Variants in TMEM132E observed in about 807,000 individuals in gnomAD.
TMEM132E encodes transmembrane protein 132E.
TMEM132E carries 49 observed loss-of-function variants against 78.5 expected under a neutral mutation model. The observed-to-expected ratio is 0.62, with a 90% CI of 0.50 to 0.79. The LOEUF (loss-of-function observed/expected upper bound fraction) is 0.79, where lower values mean the gene tolerates loss of function less well. Among genes scored for constraint, TMEM132E ranks in the 30% least tolerant of loss-of-function variants. The pLI is 0.00. For synonymous variants in TMEM132E, 715 were observed against 670.6 expected (o/e 1.07, Z -1.02); for missense variants, 1,403 against 1,470.9 (o/e 0.95, Z 0.75).
intron 1 of TMEM132E, among the ~76,000 whole-genome samples, chr17:34,595,783 A>C (rs1046948558): frequency 5.3e-5 from 8 of 152,124 alleles, no homozygotes; most frequent in African/African-American, 1.9e-4. Context: ...CAGCAACGCC[A>C]ACAATTGCTG....
intron 1 of TMEM132E, among the ~76,000 whole-genome samples, chr17:34,613,547 G>A (rs1906683077): frequency 1.3e-5 from 2 of 151,798 alleles, no homozygotes; most frequent in South Asian, 4.2e-4. Context: ...CTCCAGGATA[G>A]GGTTTTCTCT....
rs1905394404 is a variant in TMEM132E, at chr17:34,579,754, C to G, written c.-1323C>G. 6.6e-6 allele frequency: 1 copy of G among 152,438 alleles called. No individual in the cohort carries two copies. Among genetic ancestry groups the G allele is most frequent in the Non-Finnish European group, 1.5e-5 (1 of 68,224 alleles). 9.4% of individuals were successfully genotyped at this position (152,438 alleles called of 1,614,324 possible). The stretch of plus-strand genomic sequence containing the variant: ...CGGCTCCCCTGCCAGCACCTCCTCT[C>G]CTCTCGGCCCCGTAGGCACCAGCTG... On this transcript the variant is annotated 5_prime_UTR_variant, in exon 1 of 9. Coordinates refer to ENST00000631683, the MANE Select transcript of TMEM132E (RefSeq NM_001304438.2).
chr17:34,638,133 G>A lies in TMEM132E; in HGVS notation c.3126G>A (p.Glu1042=), dbSNP rs767222076. The A allele has an allele frequency of 1.8e-5, 29 of 1,608,718 alleles. No individual in the cohort carries two copies. The highest frequency in any genetic ancestry group is 2.2e-5 in the East Asian group (1 of 44,708). ...PAGEEDEEEE[E]DLGWGCPDVA... Reference sequence around the variant, plus strand: ...GCGAAGAGGACGAGGAGGAGGAAGAGGACCTGGGTTGGGGCTGCCCGGATG... The same window carrying A: ...GCGAAGAGGACGAGGAGGAGGAAGAAGACCTGGGTTGGGGCTGCCCGGATG... The change falls in exon 9 of 9, where the codon GAG becomes GAA. Residue 1042 remains glutamate, a synonymous_variant. Transcript: ENST00000631683.
chr17:34,625,592 G>A (rs1238691910), intron 1 of TMEM132E, among the ~76,000 whole-genome samples: 1 of 149,420 alleles, frequency 6.7e-6, no homozygotes, highest in East Asian at 1.9e-4. Flanking sequence ...TCGCGTGGAT[G>A]GAGATCATAA....
At chr17:34,636,599 G>T (rs1382530529) in intron 8 of TMEM132E, among the ~76,000 whole-genome samples, 2 of 152,112 alleles carry the variant, frequency 1.3e-5, no homozygotes, top group African/African-American at 4.8e-5. Flanking sequence ...GAGAGTCCTG[G>T]GGAGTGAGGA....
At chr17:34,597,051 C>T (rs1001431479) in intron 1 of TMEM132E, among the ~76,000 whole-genome samples, 1 of 152,020 alleles carries the variant, frequency 6.6e-6, no homozygotes, top group Non-Finnish European at 1.5e-5. Context: ...TGCCTCCTCC[C>T]TCAGGCAGGA....
rs998638 is a variant in TMEM132E at position 34,639,100 on chromosome 17, G to C, written c.*868G>C. The C allele has an allele frequency of 0.63, 95,414 of 152,440 alleles. 30,325 individuals are homozygous for C. The highest frequency in any genetic ancestry group is 0.86 in the East Asian group (4,404 of 5,140). The allele number at this position is 152,440 out of a possible 1,614,324, so 9.4% of individuals were successfully genotyped here. A position where few individuals can be genotyped will look rare whatever the true frequency, so the allele number is the denominator to read the frequency against. On this transcript the variant is annotated 3_prime_UTR_variant, in exon 9 of 9. Coordinates refer to ENST00000631683, the MANE Select transcript of TMEM132E (RefSeq NM_001304438.2). ...CAGCACAGGGCAGGCAGCCACCTAT[G>C]CCCCACAAGACGGAACCCGGGAGGG...
intron 5 of TMEM132E, among the ~76,000 whole-genome samples, chr17:34,630,811 C>A (rs73988747): frequency 6.6e-6 from 1 of 152,116 alleles, no homozygotes; most frequent in Admixed American, 6.5e-5. Context: ...TTCCCAGGGA[C>A]CTGCTTTGGC....
intron 6 of TMEM132E, among the ~76,000 whole-genome samples, chr17:34,633,845 G>A (rs1035853168): frequency 2.0e-4 from 30 of 152,352 alleles, no homozygotes; most frequent in African/African-American, 7.0e-4. Context: ...GCTCCTGGGT[G>A]ATAGCGATAC....
In TMEM132E at chr17:34,637,749, G is replaced by A. The variant is rs751676175; in HGVS notation, c.2742G>A (p.Leu914=). The A allele has an allele frequency of 4.3e-6, 7 of 1,613,620 alleles. No individual in the cohort carries two copies. Among genetic ancestry groups the A allele is most frequent in the South Asian group, 2.2e-5 (2 of 91,090 alleles). Residue 914 remains leucine (L), a synonymous_variant, in exon 9 of 9, where the codon CTG becomes CTA. Transcript: ENST00000631683. ...VFLINCIVFV[L]RYRHKRIPPE... ...TCATCAACTGCATCGTTTTTGTGCT[G>A]CGCTACCGGCACAAGCGCATCCCGC...
intron 1 of TMEM132E, among the ~76,000 whole-genome samples, chr17:34,595,673 G>A (rs1030143571): frequency 1.3e-5 from 2 of 152,226 alleles, no homozygotes; most frequent in East Asian, 3.8e-4. Context: ...AGAGAGGGGA[G>A]GAGTTATAAA....
chr17:34,637,505 G>T lies in TMEM132E; in HGVS notation c.2498G>T (p.Gly833Val). 1 of 1,606,418 alleles carries T rather than the reference G, an allele frequency of 6.2e-7. No homozygotes were observed. Among genetic ancestry groups the T allele is most frequent in the Non-Finnish European group, 8.5e-7 (1 of 1,177,130 alleles). The change falls in exon 9 of 9, where the codon GGC becomes GTC. Residue 833 changes from glycine (G) to valine (V), a missense_variant. Gly to Val is a moderately radical substitution (Grantham distance 109). Around this residue, in one of 3 missense-constraint regions of TMEM132E, gnomAD observed 888 missense variants for 952.8 expected, o/e 0.93. Transcript: ENST00000631683. ...DYPGPSQPGP[G>V]GGEDEARGAG... Reference sequence around the variant, plus strand: ...CCGGGCCCCAGCCAACCAGGGCCCGGCGGGGGCGAGGACGAGGCCCGGGGA... The same window carrying T: ...CCGGGCCCCAGCCAACCAGGGCCCGTCGGGGGCGAGGACGAGGCCCGGGGA...
In TMEM132E at chr17:34,637,774, C is replaced by T; in HGVS notation, c.2767C>T (p.Pro923Ser). The change falls in exon 9 of 9, where the codon CCC becomes TCC. Residue 923 changes from proline to serine, a missense_variant. Pro to Ser is a moderately conservative substitution (Grantham distance 74, BLOSUM62 -1). Transcript: ENST00000631683. The part of the protein sequence containing the change: ...VLRYRHKRIP[P>S]EGQTSMDHSH... ...GCGCTACCGGCACAAGCGCATCCCG[C>T]CCGAGGGCCAGACCAGCATGGACCA... is the stretch of plus-strand genomic sequence containing the variant. The T allele has an allele frequency of 1.2e-6, 2 of 1,613,544 alleles. No individual in the cohort carries two copies. Among genetic ancestry groups the T allele is most frequent in the Non-Finnish European group, 1.7e-6 (2 of 1,179,980 alleles).
At position 34,639,307 on chromosome 17, in the gene TMEM132E, G is replaced by A. The variant is rs999023887; in HGVS notation, c.*1075G>A. ...TGGAGGTGGGGGCAGCAGCTCCCAT[G>A]AACAGAGAGTACATGGTGGCTGGCT... On this transcript the variant is annotated 3_prime_UTR_variant, in exon 9 of 9. Coordinates refer to ENST00000631683, the MANE Select transcript of TMEM132E (RefSeq NM_001304438.2). 6.6e-6 allele frequency: 1 copy of A among 152,578 alleles called. No individual in the cohort carries two copies. Among genetic ancestry groups the A allele is most frequent in the Non-Finnish European group, 1.5e-5 (1 of 68,060 alleles). The allele number at this position is 152,578 out of a possible 1,614,324, so 9.5% of individuals were successfully genotyped here. A position where few individuals can be genotyped will look rare whatever the true frequency, so the allele number is the denominator to read the frequency against.
intron 1 of TMEM132E, among the ~76,000 whole-genome samples, chr17:34,619,176 G>A (rs967709527): frequency 6.6e-6 from 1 of 152,330 alleles, no homozygotes; most frequent in Admixed American, 6.5e-5. Flanking sequence ...CATGGCTCAT[G>A]CCCCCTCTCA....
chr17:34,629,795 G>C (rs1907288953), intron 4 of TMEM132E, among the ~76,000 whole-genome samples: 1 of 152,126 alleles, frequency 6.6e-6, no homozygotes, highest in Non-Finnish European at 1.5e-5. Context: ...GGTGGACCCT[G>C]AGGTTCCTGC....
At chr17:34,607,261 G>T (rs1597682324) in intron 1 of TMEM132E, among the ~76,000 whole-genome samples, 1 of 152,302 alleles carries the variant, frequency 6.6e-6, no homozygotes, top group East Asian at 1.9e-4. Context: ...CAGAGATAGG[G>T]TCACTGTGCA....
chr17:34,628,419 C>T, intron 2 of TMEM132E, 144 bp from the exon 3 acceptor site: 2 of 952,416 alleles, frequency 2.1e-6, no homozygotes, highest in South Asian at 3.9e-5. Context: ...TCATCTGAAA[C>T]ATTCATCTGA....
chr17:34,636,974 C>T (rs1341450889), intron 8 of TMEM132E, among the ~76,000 whole-genome samples: 1 of 152,154 alleles, frequency 6.6e-6, no homozygotes, highest in Non-Finnish European at 1.5e-5. Context: ...GGGATTTACC[C>T]TCCCCACACC....
Sources: allele counts gnomAD v4.1 joint callset (sites outside exome capture counted in the v4.1 genomes callset), GRCh38; gene constraint gnomAD v4.1.1; regional missense constraint gnomAD v4.1.1; transcripts MANE v1.5; gene names NCBI Gene and HGNC (gene_info 2026-07-23, HGNC 2026-07-21).